Variants in RRP36 observed in about 807,000 individuals in gnomAD.
RRP36 encodes the protein ribosomal RNA processing protein 36 homolog.
RRP36 carries 44 observed loss-of-function variants against 39.8 expected under a neutral mutation model. The observed-to-expected ratio is 1.10, with a 90% CI of 0.87 to 1.42. The LOEUF (loss-of-function observed/expected upper bound fraction) is 1.42. Among genes scored for constraint, RRP36 ranks in the 40% most tolerant of loss-of-function variants. The pLI is 0.00. For missense variants in RRP36, 316 were observed against 322.4 expected (o/e 0.98, Z 0.15); for synonymous variants, 124 against 123.1 (o/e 1.01, Z -0.05).
At chr6:43,027,913 C>CAT (rs1762847165) in intron 6 of RRP36, among the ~76,000 whole-genome samples, 1 of 137,204 alleles carries the variant, frequency 7.3e-6, no homozygotes, top group African/African-American at 3.4e-5. Context: ...TCTACACACA[C>CAT]ACACACACAA....
intron 6 of RRP36, 35 bp from the exon 7 acceptor site, chr6:43,029,056 CT>C (rs1288358126): frequency 2.5e-6 from 4 of 1,611,892 alleles, no homozygotes; most frequent in Non-Finnish European, 3.4e-6. Flanking sequence ...GGGCTTCCTT[CT>C]TTGTTCACCA....
chr6:43,027,723 C>CA (rs1491063876), intron 6 of RRP36, among the ~76,000 whole-genome samples: 1 of 129,618 alleles, frequency 7.7e-6, no homozygotes, highest in African/African-American at 3.1e-5. Context: ...CCCCCCCCCC[C>CA]CAACACACAC....
chr6:43,021,905 G>C (rs1180208385), intron 1 of RRP36, 121 bp downstream of exon 1: 11 of 728,542 alleles, frequency 1.5e-5, no homozygotes, highest in Non-Finnish European at 2.0e-5. Context: ...GCTACACTAG[G>C]GGTGCCCCCA....
chr6:43,023,247 A>C (rs1762759203), intron 1 of RRP36, among the ~76,000 whole-genome samples: 1 of 152,030 alleles, frequency 6.6e-6, no homozygotes, highest in African/African-American at 2.4e-5. Context: ...AAAAATAAAA[A>C]AATTTAGCCA....
intron 3 of RRP36, among the ~76,000 whole-genome samples, 151 bp from the exon 4 acceptor site, chr6:43,025,884 GAT>G (rs1358952775): frequency 3.9e-5 from 6 of 152,092 alleles, no homozygotes; most frequent in Non-Finnish European, 5.9e-5. Context: ...AGTGAGCCGA[GAT>G]TGCACCACTG....
chr6:43,026,125 G>A lies in RRP36; in HGVS notation c.434G>A (p.Arg145Gln), dbSNP rs750295495. 5.0e-6 allele frequency: 8 copies of A among 1,612,752 alleles called. No homozygotes were observed. The highest frequency in any genetic ancestry group is 4.5e-5 in the East Asian group (2 of 44,876). ...DKTYQFLNDI[R>Q]AKEKELVKKQ... The stretch of plus-strand genomic sequence containing the variant: ...ACATACCAATTCTTGAATGACATCC[G>A]AGCGAAAGAGAAAGAGGTATACAGC... Residue 145 changes from arginine to glutamine, a missense_variant, in exon 4 of 7, where the codon CGA (arginine) becomes CAA (glutamine). Transcript: ENST00000244496.
At chr6:43,025,876 TGA>T (rs1282763911) in intron 3 of RRP36, among the ~76,000 whole-genome samples, 159 bp from the exon 4 acceptor site, 6 of 151,836 alleles carry the variant, frequency 4.0e-5, no homozygotes, top group Non-Finnish European at 5.9e-5. Flanking sequence ...CAGCTTGCAG[TGA>T]GCCGAGATTG....
Position 43,026,142 on chromosome 6 carries a change from G to A in RRP36, c.450+1G>A. 1 of 1,609,024 alleles carries A rather than the reference G, an allele frequency of 6.2e-7. No homozygotes were observed. The highest frequency in any genetic ancestry group is 1.3e-5 in the African/African-American group (1 of 74,894). On this transcript the variant is annotated splice_donor_variant, in intron 4 of 6. Transcript: ENST00000244496. LOFTEE classifies it high-confidence loss of function. Reference sequence around the variant, plus strand: ...TGACATCCGAGCGAAAGAGAAAGAGGTATACAGCTTGAGACTGGTTTATGG... The same window carrying A: ...TGACATCCGAGCGAAAGAGAAAGAGATATACAGCTTGAGACTGGTTTATGG...
chr6:43,023,602 G>A (rs907890031), intron 1 of RRP36, among the ~76,000 whole-genome samples: 13 of 151,966 alleles, frequency 8.6e-5, no homozygotes, highest in African/African-American at 3.1e-4. Flanking sequence ...TGAGGCAGGA[G>A]AATCGCTTGA....
intron 1 of RRP36, among the ~76,000 whole-genome samples, chr6:43,022,598 T>G (rs945439833): frequency 4.7e-5 from 7 of 149,928 alleles, no homozygotes; most frequent in Non-Finnish European, 1.0e-4. Context: ...TTTATTTATT[T>G]ATTTATTTAT....
intron 1 of RRP36, among the ~76,000 whole-genome samples, chr6:43,022,905 A>G (rs1762752254): frequency 6.6e-6 from 1 of 151,188 alleles, no homozygotes; most frequent in Non-Finnish European, 1.5e-5. Context: ...TGCTGGGATT[A>G]CAGGCGTGAG....
Position 43,024,495 on chromosome 6 carries a change from G to T in RRP36, c.131-490G>T, listed in dbSNP as rs776191764. Among the ~76,000 whole-genome samples the T allele has an allele frequency of 1.1e-4, 16 of 152,286 alleles. No individual in the cohort carries two copies. In the South Asian group the frequency reaches 1.2e-3, roughly 12 times the overall value. On this transcript the variant is annotated intron_variant, in intron 1 of 6. Transcript: ENST00000244496. ...GTAACATGATCTGAAGTTTATGTGTGGGAGTGATAAGATCTGATTTTATTT... is the reference window on the plus strand; with the variant it reads ...GTAACATGATCTGAAGTTTATGTGTTGGAGTGATAAGATCTGATTTTATTT...
Position 43,025,281 on chromosome 6 carries a change from C to T in RRP36, c.297C>T (p.Ala99=), listed in dbSNP as rs1454705601. Residue 99 remains alanine (A), a synonymous_variant, in exon 3 of 7, where the codon GCC becomes GCT. Coordinates refer to ENST00000244496, the MANE Select transcript of RRP36 (RefSeq NM_033112.4). ...TCCATAGGCCTCTGGAAATGTCAGC[C>T]AAGATCCGAGTACCATTTTTACGTC... ...ADKHRPLEMS[A]KIRVPFLRQV... is the part of the protein sequence containing the mutation. 6.2e-7 allele frequency: 1 copy of T among 1,613,994 alleles called. No individual in the cohort carries two copies. Among genetic ancestry groups the T allele is most frequent in the Non-Finnish European group, 8.5e-7 (1 of 1,180,032 alleles).
chr6:43,021,675 CGCCGGG>C lies in RRP36; in HGVS notation c.43_48del (p.Gly15_Ala16del), dbSNP rs200886831. 0.17 allele frequency: 206,984 copies of C among 1,252,580 alleles called. 25,291 individuals are homozygous for C. The highest frequency in any genetic ancestry group is 0.62 in the African/African-American group (39,998 of 64,198). 77.6% of individuals were successfully genotyped at this position (1,252,580 alleles called of 1,614,324 possible). On this transcript the variant is annotated inframe_deletion, in exon 1 of 7. Transcript: ENST00000244496. The stretch of plus-strand genomic sequence containing the variant: ...AGCTGATGCCGGGAGCTAACTACCG[CGCCGGG>C]GCCGGGGCCGGGGCCGGGGCCCGAC...
At chr6:43,023,175 A>G (rs1762757799) in intron 1 of RRP36, among the ~76,000 whole-genome samples, 1 of 152,114 alleles carries the variant, frequency 6.6e-6, no homozygotes, top group Admixed American at 6.5e-5. Flanking sequence ...AAGCAGGAGG[A>G]TCGCTTGAGC....
intron 5 of RRP36, 48 bp from the exon 6 acceptor site, chr6:43,027,312 G>T: frequency 6.2e-7 from 1 of 1,611,120 alleles, no homozygotes; most frequent in East Asian, 2.2e-5. Context: ...GATATTCACA[G>T]ATCTGAACAG....
rs760969484 is a variant in RRP36, at chr6:43,025,303, C to G, written c.319C>G (p.Arg107Gly). The stretch of plus-strand genomic sequence containing the variant: ...AGCCAAGATCCGAGTACCATTTTTA[C>G]GTCAGGTTGTTCCCATTAGTAAAAA... ...MSAKIRVPFL[R>G]QVVPISKKVA... The change falls in exon 3 of 7, where the codon CGT becomes GGT. Residue 107 changes from arginine to glycine, a missense_variant. Coordinates refer to ENST00000244496, the MANE Select transcript of RRP36 (RefSeq NM_033112.4). The G allele has an allele frequency of 6.2e-7, 1 of 1,613,918 alleles. No homozygotes were observed. Among genetic ancestry groups the G allele is most frequent in the Non-Finnish European group, 8.5e-7 (1 of 1,180,018 alleles).
chr6:43,028,013 T>C (rs560383650), intron 6 of RRP36, among the ~76,000 whole-genome samples: 1 of 152,126 alleles, frequency 6.6e-6, no homozygotes, highest in African/African-American at 2.4e-5. Flanking sequence ...TTGAATTGAG[T>C]AGTACTGAGA....
In RRP36 at chr6:43,027,181, G is replaced by C; in HGVS notation, c.454G>C (p.Val152Leu). 2 of 1,613,942 alleles carry C rather than the reference G, an allele frequency of 1.2e-6. No homozygotes were observed. Among genetic ancestry groups the C allele is most frequent in the Non-Finnish European group, 1.7e-6 (2 of 1,179,824 alleles). Residue 152 changes from valine (V) to leucine (L), a missense_variant, in exon 5 of 7, where the codon GTG becomes CTG. Physicochemically the swap from Val to Leu is conservative, Grantham distance 32. Transcript: ENST00000244496. ...NDIRAKEKEL[V>L]KKQLKKHLSG... ...ATACTCATTTTCCAATGTGGAGCTT[G>C]TGAAAAAACAGTTGAAGAAGCACCT...
Sources: allele counts gnomAD v4.1 joint callset (sites outside exome capture counted in the v4.1 genomes callset), GRCh38; gene constraint gnomAD v4.1.1; transcripts MANE v1.5; gene names NCBI Gene and HGNC (gene_info 2026-07-23, HGNC 2026-07-21).